FHAD1: variants seen among roughly 807,000 people sequenced by gnomAD.
FHAD1 encodes the protein forkhead-associated domain-containing protein 1.
In FHAD1, 146 loss-of-function variants were observed where a neutral mutation model predicts 191.3. The observed-to-expected ratio is 0.76, with a 90% CI of 0.67 to 0.88. The LOEUF is 0.88. Among genes scored for constraint, FHAD1 ranks in the 40% least tolerant of loss-of-function variants. The pLI is 0.00. For synonymous variants in FHAD1, 616 were observed against 672.3 expected (o/e 0.92, Z 1.29); for missense variants, 1,635 against 1,785.8 (o/e 0.92, Z 1.52).
At chr1:15,394,701 C>G (rs1705332693) in intron 33 of FHAD1, among the ~76,000 whole-genome samples, 1 of 152,158 alleles carries the variant, frequency 6.6e-6, no homozygotes, top group Admixed American at 6.5e-5. Context: ...CTGAGGAAGG[C>G]AGGATCGATA....
chr1:15,359,844 G>C (rs1253696747), intron 21 of FHAD1, among the ~76,000 whole-genome samples: 1 of 152,182 alleles, frequency 6.6e-6, no homozygotes, highest in African/African-American at 2.4e-5. Flanking sequence ...CAGCTACTCA[G>C]GAGGCTGAGG....
intron 3 of FHAD1, among the ~76,000 whole-genome samples, chr1:15,275,878 T>A (rs1253189896): frequency 6.6e-6 from 1 of 152,194 alleles, no homozygotes; most frequent in Non-Finnish European, 1.5e-5. Context: ...AGGACTGTCC[T>A]AATATTGTAA....
chr1:15,394,712 T>C (rs1313065904), intron 33 of FHAD1, among the ~76,000 whole-genome samples: 1 of 152,200 alleles, frequency 6.6e-6, no homozygotes, highest in Non-Finnish European at 1.5e-5. Context: ...AGGATCGATA[T>C]TCATCCCTAT....
chr1:15,351,214 G>A (rs1690735015), intron 19 of FHAD1, among the ~76,000 whole-genome samples: 1 of 152,124 alleles, frequency 6.6e-6, no homozygotes. Flanking sequence ...GCCTGGTGGT[G>A]CACACCTGTA....
At chr1:15,337,915 G>A (rs964577633) in intron 14 of FHAD1, among the ~76,000 whole-genome samples, 11 of 152,130 alleles carry the variant, frequency 7.2e-5, no homozygotes, top group African/African-American at 2.7e-4. Flanking sequence ...GTCTCAGAAC[G>A]CCACTGCCTC....
intron 28 of FHAD1, among the ~76,000 whole-genome samples, chr1:15,378,180 C>T (rs1486390519): frequency 1.3e-5 from 2 of 152,156 alleles, no homozygotes; most frequent in Non-Finnish European, 1.5e-5. Context: ...GGTGCACATC[C>T]GTGCTCAGGC....
chr1:15,338,872 G>A (rs1462627214), intron 14 of FHAD1, among the ~76,000 whole-genome samples: 1 of 152,114 alleles, frequency 6.6e-6, no homozygotes, highest in African/African-American at 2.4e-5. Context: ...AGCCCCTGGA[G>A]GTCTTGGCTT....
At chr1:15,287,739 C>G (rs1927181) in intron 3 of FHAD1, among the ~76,000 whole-genome samples, 2,582 of 152,222 alleles carry the variant, frequency 0.017, 38 homozygotes, top group Non-Finnish European at 0.026. Context: ...CTCACTGACT[C>G]CAAGAAAGAG....
At chr1:15,400,640 T>C (rs1388024423), downstream of FHAD1, among the ~76,000 whole-genome samples, 1 of 152,228 alleles carries the variant, frequency 6.6e-6, no homozygotes, top group Non-Finnish European at 1.5e-5. Flanking sequence ...CATTCTACAA[T>C]GGACAAAAGA....
chr1:15,321,522 C>G (rs185230550), intron 10 of FHAD1, among the ~76,000 whole-genome samples: 10 of 152,250 alleles, frequency 6.6e-5, no homozygotes, highest in African/African-American at 2.4e-4. Flanking sequence ...ACTTATATGC[C>G]ATTGTTATCA....
chr1:15,340,983 A>T (rs1464346275), intron 15 of FHAD1, among the ~76,000 whole-genome samples: 1 of 152,042 alleles, frequency 6.6e-6, no homozygotes, highest in Non-Finnish European at 1.5e-5. Context: ...GGAGTTCGAG[A>T]CCAGCCTGGC....
intron 5 of FHAD1, 22 bp downstream of exon 5, chr1:15,296,815 G>T: frequency 6.5e-7 from 1 of 1,539,742 alleles, no homozygotes; most frequent in Non-Finnish European, 8.8e-7. Context: ...GTCTGGGGAA[G>T]GGTGGAGCTG....
chr1:15,339,128 T>C (rs933073674), intron 14 of FHAD1, among the ~76,000 whole-genome samples: 11 of 152,162 alleles, frequency 7.2e-5, no homozygotes, highest in African/African-American at 2.7e-4. Flanking sequence ...GCGATTCTCA[T>C]GCCTCAGCCT....
In FHAD1 at chr1:15,345,406, GT is replaced by G. The variant is rs1558175973; in HGVS notation, c.2239-8del. ...TAACCATGTCTATTGAACAATGATC[GT>G]TGACTCAGGCTTTGGCGAAAAGCAT... On this transcript the variant is annotated splice_polypyrimidine_tract_variant and intron_variant, in intron 17 of 33. Coordinates refer to ENST00000688493, the MANE Select transcript of FHAD1 (RefSeq NM_001391957.1). 7.1e-6 allele frequency: 11 copies of G among 1,550,770 alleles called. No homozygotes were observed. In the South Asian group the frequency reaches 1.1e-4, roughly 15 times the overall value.
intron 23 of FHAD1, 49 bp downstream of exon 23, chr1:15,362,775 C>G: frequency 1.4e-6 from 2 of 1,468,506 alleles, no homozygotes; most frequent in Non-Finnish European, 1.9e-6. Context: ...CCGGCACCAC[C>G]TGGGTGGGGG....
At chr1:15,264,588 G>A (rs1325929128) in intron 2 of FHAD1, among the ~76,000 whole-genome samples, 1 of 144,332 alleles carries the variant, frequency 6.9e-6, no homozygotes, top group Admixed American at 7.1e-5. Flanking sequence ...GATCTTTAGG[G>A]CTTTCTACAT....
intron 32 of FHAD1, chr1:15,388,410 T>G: frequency 8.9e-7 from 1 of 1,119,526 alleles, no homozygotes; most frequent in African/African-American, 2.7e-5. Flanking sequence ...TCCAGCCCCG[T>G]CTGTCCATTA....
chr1:15,316,308 G>A lies in FHAD1; in HGVS notation c.1171-70G>A. ...TCAGGGGCTCACATGGGGCCTTGGA[G>A]CCCCTCCTTCCCCCGACAACCCTAC... On this transcript the variant is annotated intron_variant, in intron 8 of 33. Transcript: ENST00000688493. This position sits in a 1 kb window ranked among gnomAD's most constrained non-coding sequence, Gnocchi z 4.3. 3.2e-6 allele frequency: 4 copies of A among 1,256,554 alleles called. No individual in the cohort carries two copies. The highest frequency in any genetic ancestry group is 3.4e-6 in the Non-Finnish European group (3 of 882,928). The allele number at this position is 1,256,554 out of a possible 1,614,324, so 77.8% of individuals were successfully genotyped here. A position where few individuals can be genotyped will look rare whatever the true frequency, so the allele number is the denominator to read the frequency against.
At chr1:15,341,967 C>T (rs909046665) in intron 16 of FHAD1, 79 bp downstream of exon 16, 2 of 1,291,592 alleles carry the variant, frequency 1.5e-6, no homozygotes, top group African/African-American at 1.5e-5. Flanking sequence ...AGGGCATGTA[C>T]TTAGACAGAG....
Sources: gnomAD v4.1 joint callset for allele counts (sites outside exome capture counted in the v4.1 genomes callset) on GRCh38, gnomAD v4.1.1 for gene constraint, Gnocchi (gnomAD v3.1) non-coding constraint, MANE v1.5 for transcripts, NCBI Gene and HGNC (gene_info 2026-07-23, HGNC 2026-07-21) for gene names.